The following PCDHGA4 variants were observed in gnomAD, a reference collection of about 807,000 sequenced individuals.
PCDHGA4 encodes the protein protocadherin gamma-A4.
Under a neutral mutation model 54.6 loss-of-function variants are expected in PCDHGA4, and 38 were observed. The observed-to-expected ratio is 0.70, with a 90% CI of 0.54 to 0.91. PCDHGA4 has a LOEUF of 0.91. Among genes scored for constraint, PCDHGA4 ranks in the 40% least tolerant of loss-of-function variants. The probability of loss-of-function intolerance (pLI) is 0.00; values close to 1 mark genes in which losing one functional copy is unlikely to be tolerated. For missense variants in PCDHGA4, 1,298 were observed against 1,220.9 expected, an observed-to-expected ratio of 1.06 and a Z score of -0.94; for synonymous variants, 511 against 512.9, an observed-to-expected ratio of 1.00 and a Z score of 0.05.
intron 1 of PCDHGA4, chr5:141,404,926 C>CA (rs765817542): frequency 1.2e-6 from 2 of 1,613,884 alleles, no homozygotes; most frequent in Non-Finnish European, 1.7e-6. Context: ...CGGCCACTGT[C>CA]ACGCTCACAG....
chr5:141,462,656 A>G (rs1427673992), intron 1 of PCDHGA4, among the ~76,000 whole-genome samples: 2 of 151,950 alleles, frequency 1.3e-5, no homozygotes, highest in African/African-American at 4.8e-5. Context: ...ATCCTCAATT[A>G]TCTTCATATT....
In PCDHGA4 at chr5:141,491,652, G is replaced by A. The variant is rs370043428; in HGVS notation, c.2515-3155G>A. ...AGCAGCCCACAGCTCTGGCGCTGGAGCCTGACGCCATCCGGTCCCGCTCTA... is the reference window on the plus strand; with the variant it reads ...AGCAGCCCACAGCTCTGGCGCTGGAACCTGACGCCATCCGGTCCCGCTCTA... On this transcript the variant is annotated intron_variant, in intron 1 of 3. Transcript: ENST00000571252. This position sits in a 1 kb window ranked among gnomAD's most constrained non-coding sequence, Gnocchi z 6.9. 2 of 1,613,726 alleles carry A rather than the reference G, an allele frequency of 1.2e-6. No homozygotes were observed. Among genetic ancestry groups the A allele is most frequent in the African/African-American group, 1.3e-5 (1 of 74,944 alleles).
At position 141,410,774 on chromosome 5, in the gene PCDHGA4, C is replaced by T; in HGVS notation, c.2514+53153C>T. 4 of 955,126 alleles carry T rather than the reference C, an allele frequency of 4.2e-6. No individual in the cohort carries two copies. The South Asian group carries it at 6.1e-5, about 15-fold the overall frequency. The allele number at this position is 955,126 out of a possible 1,614,324, so 59.2% of individuals were successfully genotyped here. ...AATGTTTTTTCAATTATAGTTTTCA[C>T]TATGTATTTGGTTCATAAGTTGCTC... On this transcript the variant is annotated intron_variant, in intron 1 of 3. Coordinates refer to ENST00000571252, the MANE Select transcript of PCDHGA4 (RefSeq NM_018917.4).
chr5:141,365,603 A>G (rs1198770505), intron 1 of PCDHGA4: 5 of 1,613,602 alleles, frequency 3.1e-6, no homozygotes, highest in Non-Finnish European at 3.4e-6. Context: ...TTTAACCGTC[A>G]TGGACCATGG....
At position 141,477,763 on chromosome 5, in the gene PCDHGA4, C is replaced by A. The variant is rs763322593; in HGVS notation, c.2515-17044C>A. On this transcript the variant is annotated intron_variant, in intron 1 of 3. Coordinates refer to ENST00000571252, the MANE Select transcript of PCDHGA4 (RefSeq NM_018917.4). The surrounding 1 kb of genome is among the most constrained non-coding windows in gnomAD (Gnocchi z 4.9). ...ATGGGGGCACCCCGGTCCTAGCCAC[C>A]AACATCAGCGTGAACATATTTGTCA... 5.0e-6 allele frequency: 8 copies of A among 1,613,894 alleles called. No homozygotes were observed. The East Asian group carries it at 1.6e-4, about 31-fold the overall frequency.
chr5:141,435,737 T>C (rs944951200), intron 1 of PCDHGA4, among the ~76,000 whole-genome samples: 1 of 152,202 alleles, frequency 6.6e-6, no homozygotes, highest in Non-Finnish European at 1.5e-5. Context: ...TATTACTCTT[T>C]GAAAAGCATT....
chr5:141,423,082 G>A (rs1390567548), intron 1 of PCDHGA4: 3 of 1,614,078 alleles, frequency 1.9e-6, no homozygotes, highest in Admixed American at 1.7e-5. Flanking sequence ...GGGACTCTTC[G>A]CGGTGGGGGA....
intron 1 of PCDHGA4, chr5:141,365,543 T>C: frequency 6.2e-7 from 1 of 1,613,830 alleles, no homozygotes. Context: ...CTATCACCTA[T>C]TAACAACTAG....
intron 2 of PCDHGA4, among the ~76,000 whole-genome samples, chr5:141,504,141 T>C (rs1289360763): frequency 6.6e-6 from 1 of 152,192 alleles, no homozygotes; most frequent in East Asian, 1.9e-4. Flanking sequence ...AACACTCCCC[T>C]GCAAATTGAA....
intron 1 of PCDHGA4, chr5:141,384,693 A>G (rs1345115245): frequency 3.1e-6 from 5 of 1,614,042 alleles, no homozygotes; most frequent in Non-Finnish European, 4.2e-6. Context: ...ACAAAGATTC[A>G]GGCCAGAACG....
chr5:141,376,609 C>A, intron 1 of PCDHGA4: 3 of 1,478,318 alleles, frequency 2.0e-6, no homozygotes, highest in Non-Finnish European at 2.8e-6. Flanking sequence ...AGAAGCGAAC[C>A]TCTTTTGGTA....
At chr5:141,420,457 T>A in intron 1 of PCDHGA4, 1 of 927,890 alleles carries the variant, frequency 1.1e-6, no homozygotes. Flanking sequence ...TTCCTACTAT[T>A]CAAAGACATT....
intron 1 of PCDHGA4, among the ~76,000 whole-genome samples, chr5:141,474,788 A>G (rs1426105047): frequency 6.6e-6 from 1 of 152,232 alleles, no homozygotes; most frequent in Non-Finnish European, 1.5e-5. Context: ...AACACTTTAC[A>G]TCTAATGGAG....
Position 141,356,836 on chromosome 5 carries a change from G to A in PCDHGA4, c.1729G>A (p.Val577Met). The A allele has an allele frequency of 6.2e-7, 1 of 1,614,160 alleles. No homozygotes were observed. Among genetic ancestry groups the A allele is most frequent in the Non-Finnish European group, 8.5e-7 (1 of 1,180,008 alleles). ...DSGDPPLSSN[V>M]SLSLFVLDQN... ...TGGAGACCCTCCACTCAGCAGCAAT[G>A]TGTCACTGAGCCTCTTTGTGCTGGA... Residue 577 changes from valine to methionine, a missense_variant, in exon 1 of 4, where the codon GTG becomes ATG. Coordinates refer to ENST00000571252, the MANE Select transcript of PCDHGA4 (RefSeq NM_018917.4).
At chr5:141,427,416 G>T (rs1457696807) in intron 1 of PCDHGA4, 2 of 466,124 alleles carry the variant, frequency 4.3e-6, no homozygotes, top group South Asian at 3.1e-5. Flanking sequence ...GAGAGAAAAT[G>T]GGGAGGTTAC....
chr5:141,422,959 C>T, intron 1 of PCDHGA4: 5 of 1,614,234 alleles, frequency 3.1e-6, no homozygotes, highest in African/African-American at 1.3e-5. Flanking sequence ...TGGCGTGGAG[C>T]TGGCGCCCCG....
At chr5:141,443,093 C>T (rs1316602934) in intron 1 of PCDHGA4, among the ~76,000 whole-genome samples, 2 of 151,940 alleles carry the variant, frequency 1.3e-5, no homozygotes, top group African/African-American at 4.8e-5. Flanking sequence ...CAGTCTCCTT[C>T]TCAAGCTGAA....
chr5:141,389,610 G>T (rs1488136363), intron 1 of PCDHGA4: 1 of 1,613,000 alleles, frequency 6.2e-7, no homozygotes, highest in Admixed American at 1.7e-5. Context: ...CTTCGATATG[G>T]TGCCGCACGC....
At position 141,511,260 on chromosome 5, in the gene PCDHGA4, G is replaced by A; in HGVS notation, c.*87G>A. 6.4e-7 allele frequency: 1 copy of A among 1,558,596 alleles called. No individual in the cohort carries two copies. Among genetic ancestry groups the A allele is most frequent in the Non-Finnish European group, 8.7e-7 (1 of 1,151,758 alleles). On this transcript the variant is annotated 3_prime_UTR_variant, in exon 4 of 4. Transcript: ENST00000571252. ...CCTGCACCCAGGCCTCAGAGTTTCA[G>A]GGCTAACCCCCAGAATACTGGTAGG...
Sources: allele counts gnomAD v4.1 joint callset (sites outside exome capture counted in the v4.1 genomes callset), GRCh38; gene constraint gnomAD v4.1.1; non-coding constraint Gnocchi (gnomAD v3.1); transcripts MANE v1.5; gene names NCBI Gene and HGNC (gene_info 2026-07-23, HGNC 2026-07-21).